The following PELI2 variants were observed in gnomAD, a reference collection of about 807,000 sequenced individuals.
PELI2 encodes E3 ubiquitin-protein ligase pellino homolog 2.
In PELI2, 23 loss-of-function variants were observed where a neutral mutation model predicts 42.3. The ratio of observed to expected loss-of-function variants is 0.54; its 90% CI spans 0.39 to 0.77. The LOEUF (loss-of-function observed/expected upper bound fraction) is 0.77. Among genes scored for constraint, PELI2 ranks in the 30% least tolerant of loss-of-function variants. The pLI is 0.00. For missense variants in PELI2, 463 were observed against 553.2 expected, an observed-to-expected ratio of 0.84 and a Z score of 1.64; for synonymous variants, 245 against 212.2, an observed-to-expected ratio of 1.15 and a Z score of -1.34.
At chr14:56,160,982 C>G (rs1330409352) in intron 1 of PELI2, among the ~76,000 whole-genome samples, 1 of 152,078 alleles carries the variant, frequency 6.6e-6, no homozygotes, top group East Asian at 1.9e-4. Flanking sequence ...GGCCCCTCCT[C>G]TGTTTTAAGG....
chr14:56,143,958 T>C (rs1210770547), intron 1 of PELI2, among the ~76,000 whole-genome samples: 1 of 152,218 alleles, frequency 6.6e-6, no homozygotes, highest in African/African-American at 2.4e-5. Flanking sequence ...TTATCATTGC[T>C]TCCAGACTAT....
chr14:56,126,549 T>G (rs940197929), intron 1 of PELI2, among the ~76,000 whole-genome samples: 1 of 152,156 alleles, frequency 6.6e-6, no homozygotes, highest in African/African-American at 2.4e-5. Context: ...GAGCGAGCAG[T>G]TGTGTGTTTG....
At chr14:56,210,414 C>A (rs190064612) in intron 2 of PELI2, among the ~76,000 whole-genome samples, 7 of 151,414 alleles carry the variant, frequency 4.6e-5, no homozygotes, top group Admixed American at 3.3e-4. Flanking sequence ...TATTGTAAGC[C>A]TTTTAGAATG....
At chr14:56,126,322 A>AG (rs1491454328) in intron 1 of PELI2, among the ~76,000 whole-genome samples, 1 of 152,164 alleles carries the variant, frequency 6.6e-6, no homozygotes, top group African/African-American at 2.4e-5. Flanking sequence ...AATATGCATC[A>AG]GGGGGCATTT....
chr14:56,208,601 A>G (rs573404451), intron 2 of PELI2, among the ~76,000 whole-genome samples: 1 of 152,324 alleles, frequency 6.6e-6, no homozygotes, highest in South Asian at 2.1e-4. Flanking sequence ...GCCACAAAGT[A>G]TCTGCAGTGA....
intron 2 of PELI2, among the ~76,000 whole-genome samples, chr14:56,187,631 A>G (rs1285465669): frequency 6.6e-6 from 1 of 152,174 alleles, no homozygotes; most frequent in African/African-American, 2.4e-5. Flanking sequence ...AAAGTGCGTG[A>G]TTGGCCTTAA....
At chr14:56,199,206 G>A (rs926673742) in intron 2 of PELI2, among the ~76,000 whole-genome samples, 2 of 152,202 alleles carry the variant, frequency 1.3e-5, no homozygotes, top group African/African-American at 4.8e-5. Context: ...TCCCCCATGA[G>A]AGTCATCATG....
At position 56,288,617 on chromosome 14, in the gene PELI2, A is replaced by G. The variant is rs1889720994; in HGVS notation, c.490A>G (p.Lys164Glu). ...ATTCGCCGCCGGATTTGACTCTTCC[A>G]AAAACATATTTCTTGGAGTAAGTAC... is the stretch of plus-strand genomic sequence containing the variant. The part of the protein sequence containing the change: ...RIFAAGFDSS[K>E]NIFLGEKAAK... The change falls in exon 4 of 6, where the codon AAA becomes GAA. Residue 164 changes from lysine (K) to glutamate (E), a missense_variant. By Grantham distance (56) the Lys-to-Glu change is moderately conservative. This residue lies in a region of PELI2 where 343 missense variants were observed against 378.4 expected (regional missense o/e 0.91). Coordinates refer to ENST00000267460, the MANE Select transcript of PELI2 (RefSeq NM_021255.3). The surrounding 1 kb of genome is among the most constrained non-coding windows in gnomAD (Gnocchi z 4.6). 5 of 1,612,544 alleles carry G rather than the reference A, an allele frequency of 3.1e-6. No homozygotes were observed. In the East Asian group the frequency reaches 8.9e-5, roughly 29 times the overall value.
intron 5 of PELI2, chr14:56,292,762 A>G: frequency 1.0e-6 from 1 of 979,714 alleles, no homozygotes; most frequent in Non-Finnish European, 1.2e-6. Flanking sequence ...AACAAAATTA[A>G]TTAAATATGG....
chr14:56,285,977 T>C (rs1889632138), intron 3 of PELI2, among the ~76,000 whole-genome samples: 1 of 152,192 alleles, frequency 6.6e-6, no homozygotes, highest in African/African-American at 2.4e-5. Flanking sequence ...GAGGAAACTT[T>C]TATGACAGTT....
chr14:56,201,391 C>G (rs1886326295), intron 2 of PELI2, among the ~76,000 whole-genome samples: 1 of 152,134 alleles, frequency 6.6e-6, no homozygotes, highest in Admixed American at 6.5e-5. Context: ...ATCCTGGAGA[C>G]TTGGACAGTA....
intron 5 of PELI2, among the ~76,000 whole-genome samples, chr14:56,290,719 A>G (rs1174878055): frequency 6.6e-6 from 1 of 152,180 alleles, no homozygotes; most frequent in Non-Finnish European, 1.5e-5. Flanking sequence ...TTTATTATAT[A>G]CCTCACCACA....
At chr14:56,285,680 G>A (rs1034788962) in intron 3 of PELI2, among the ~76,000 whole-genome samples, 1 of 152,150 alleles carries the variant, frequency 6.6e-6, no homozygotes, top group Non-Finnish European at 1.5e-5. Flanking sequence ...CTTAGCATGC[G>A]TGGTTTCAGT....
At chr14:56,283,985 G>A (rs769511508) in intron 3 of PELI2, among the ~76,000 whole-genome samples, 4 of 152,156 alleles carry the variant, frequency 2.6e-5, no homozygotes, top group African/African-American at 9.7e-5. Context: ...CAAAAAGCGC[G>A]ACAGCACTCA....
At chr14:56,266,531 G>A (rs551665023) in intron 2 of PELI2, among the ~76,000 whole-genome samples, 1 of 152,128 alleles carries the variant, frequency 6.6e-6, no homozygotes, top group South Asian at 2.1e-4. Flanking sequence ...AAAGCACTAT[G>A]AGATTACTCT....
At chr14:56,135,131 G>A (rs900640932) in intron 1 of PELI2, among the ~76,000 whole-genome samples, 10 of 152,194 alleles carry the variant, frequency 6.6e-5, no homozygotes, top group African/African-American at 1.4e-4. Context: ...CCCCAGAGCT[G>A]TAGTATAACT....
intron 1 of PELI2, among the ~76,000 whole-genome samples, chr14:56,150,906 A>G (rs1884326498): frequency 6.6e-6 from 1 of 152,242 alleles, no homozygotes; most frequent in Non-Finnish European, 1.5e-5. Flanking sequence ...GGTGATGCAC[A>G]GGATTCCTTC....
At position 56,136,595 on chromosome 14, in the gene PELI2, A is replaced by C. The variant is rs368737134; in HGVS notation, c.77+17858A>C. ...AATAAAAATAATAATTGGCTACCTC[A>C]GCCCACTGACCTTGGAAATTGTTAC... On this transcript the variant is annotated intron_variant, in intron 1 of 5. Transcript: ENST00000267460. Among the ~76,000 whole-genome samples the C allele has an allele frequency of 2.6e-5, 4 of 152,328 alleles. No individual in the cohort carries two copies. In the South Asian group the frequency reaches 8.3e-4, roughly 32 times the overall value.
At chr14:56,123,857 A>G (rs1054036759) in intron 1 of PELI2, among the ~76,000 whole-genome samples, 1 of 152,244 alleles carries the variant, frequency 6.6e-6, no homozygotes, top group Non-Finnish European at 1.5e-5. Context: ...ATATTGTCAC[A>G]TTGGAGCACT....
Sources: gnomAD v4.1 joint callset for allele counts (sites outside exome capture counted in the v4.1 genomes callset) on GRCh38, gnomAD v4.1.1 for gene constraint, gnomAD v4.1.1 regional missense constraint, Gnocchi (gnomAD v3.1) non-coding constraint, MANE v1.5 for transcripts, NCBI Gene and HGNC (gene_info 2026-07-23, HGNC 2026-07-21) for gene names.